Variants in FCHSD1 observed in about 807,000 individuals in gnomAD.
FCHSD1 encodes the protein FCH and double SH3 domains 1.
FCHSD1 carries 109 observed loss-of-function variants against 101.3 expected under a neutral mutation model. The ratio of observed to expected loss-of-function variants is 1.08; its 90% confidence interval spans 0.92 to 1.26. The LOEUF is 1.26. FCHSD1 is among the 50% of genes most tolerant of loss of function. The pLI, the probability that FCHSD1 is intolerant of heterozygous loss-of-function variation, is 0.00. For synonymous variants in FCHSD1, 291 were observed against 356.8 expected (o/e 0.82, Z 2.08); for missense variants, 820 against 895.8 (o/e 0.92, Z 1.08).
intron 18 of FCHSD1, 168 bp from the exon 19 acceptor site, chr5:141,641,925 T>A: frequency 1.4e-6 from 1 of 711,386 alleles, no homozygotes; most frequent in South Asian, 1.7e-5. Flanking sequence ...ATTGGGCAAC[T>A]GCTGTATAAT....
chr5:141,646,463 T>C (rs1289485384), intron 11 of FCHSD1, 140 bp downstream of exon 11: 6 of 1,322,872 alleles, frequency 4.5e-6, no homozygotes, highest in Non-Finnish European at 6.1e-6. Flanking sequence ...TCTTAACTAT[T>C]GTGCCACACT....
At chr5:141,642,737 T>C in intron 18 of FCHSD1, 1 of 545,166 alleles carries the variant, frequency 1.8e-6, no homozygotes, top group Admixed American at 3.7e-5. Flanking sequence ...TTAACTCTCA[T>C]AAGAATTCAA....
At chr5:141,650,544 G>T in intron 2 of FCHSD1, 140 bp from the exon 3 acceptor site, 1 of 904,864 alleles carries the variant, frequency 1.1e-6, no homozygotes, top group Non-Finnish European at 1.8e-6. Context: ...CACCCAGAGG[G>T]AATGGGACTG....
chr5:141,651,148 A>AG, intron 1 of FCHSD1, 31 bp from the exon 2 acceptor site: 1 of 1,556,700 alleles, frequency 6.4e-7, no homozygotes, highest in Non-Finnish European at 8.7e-7. Context: ...TGAAGACCCC[A>AG]GCGCAAGGAC....
intron 1 of FCHSD1, 96 bp downstream of exon 1, chr5:141,651,252 C>T (rs1056708817): frequency 5.8e-6 from 9 of 1,542,864 alleles, no homozygotes; most frequent in Non-Finnish European, 7.9e-6. Context: ...GGTCTGACCC[C>T]TTCCGACTTC....
At position 141,651,135 on chromosome 5, in the gene FCHSD1, G is replaced by T. The variant is rs202070935; in HGVS notation, c.22-18C>A. The T allele has an allele frequency of 6.4e-7, 1 of 1,570,564 alleles. No homozygotes were observed. The highest frequency in any genetic ancestry group is 1.9e-5 in the Admixed American group (1 of 53,454). The stretch of plus-strand genomic sequence containing the variant: ...GGCTTCACCTGTGGGGGCAAAGAGA[G>T]GATGAAGACCCCAGCGCAAGGACCT... On this transcript the variant is annotated intron_variant, in intron 1 of 19. Coordinates refer to ENST00000435817, the MANE Select transcript of FCHSD1 (RefSeq NM_033449.3).
intron 18 of FCHSD1, chr5:141,642,229 C>T: frequency 1.8e-6 from 1 of 551,192 alleles, no homozygotes. Flanking sequence ...TGCCATTATC[C>T]TAAGTGAACT....
At position 141,640,644 on chromosome 5, in the gene FCHSD1, A is replaced by G; in HGVS notation, c.*854T>C. On this transcript the variant is annotated 3_prime_UTR_variant, in exon 20 of 20. Transcript: ENST00000435817. ...CTGGACACAGCTTGAACAGGAAGCA[A>G]CAGTGTTATTCTTCCTCTTCTCCAA... 6.5e-7 allele frequency: 1 copy of G among 1,537,804 alleles called. No homozygotes were observed. Among genetic ancestry groups the G allele is most frequent in the Non-Finnish European group, 8.7e-7 (1 of 1,146,148 alleles).
intron 11 of FCHSD1, 179 bp downstream of exon 11, chr5:141,646,424 C>T (rs2099907660): frequency 9.3e-7 from 1 of 1,079,096 alleles, no homozygotes; most frequent in Non-Finnish European, 1.3e-6. Flanking sequence ...GAATTTGAAC[C>T]TATGTCGGTC....
intron 1 of FCHSD1, 79 bp downstream of exon 1, chr5:141,651,269 C>T: frequency 6.5e-7 from 1 of 1,547,908 alleles, no homozygotes; most frequent in Non-Finnish European, 8.7e-7. Flanking sequence ...CTTCCCGTCT[C>T]CTACCACAAG....
chr5:141,647,004 A>G, intron 10 of FCHSD1, 131 bp downstream of exon 10: 1 of 950,848 alleles, frequency 1.1e-6, no homozygotes, highest in Non-Finnish European at 1.6e-6. Flanking sequence ...GAGGGAGGTG[A>G]GCTGGAGTTC....
chr5:141,644,609 G>C lies in FCHSD1; in HGVS notation c.1606C>G (p.Gln536Glu), dbSNP rs1347169269. 2.5e-6 allele frequency: 4 copies of C among 1,613,772 alleles called. No individual in the cohort carries two copies. Among genetic ancestry groups the C allele is most frequent in the Non-Finnish European group, 3.4e-6 (4 of 1,179,858 alleles). Residue 536 changes from glutamine to glutamate, a missense_variant, in exon 16 of 20, where the codon CAA becomes GAA. Physicochemically the swap from Gln to Glu is conservative, Grantham distance 29. Coordinates refer to ENST00000435817, the MANE Select transcript of FCHSD1 (RefSeq NM_033449.3). ...FPDLSLPESS[Q>E]DSDNPCGAEP... Reference sequence around the variant, plus strand: ...GCCCCGCAGGGATTGTCACTGTCTTGGCTGCTCTCTGGGAGGGAGAGGTCC... The same window carrying C: ...GCCCCGCAGGGATTGTCACTGTCTTCGCTGCTCTCTGGGAGGGAGAGGTCC...
Position 141,647,199 on chromosome 5 carries a change from A to G in FCHSD1, c.860T>C (p.Leu287Pro), listed in dbSNP as rs1159111511. The G allele has an allele frequency of 6.2e-7, 1 of 1,609,350 alleles. No homozygotes were observed. ...VSWEQDLKLF[L>P]QEPGVFSPTP... is the part of the protein sequence containing the mutation. ...GGGGGAAAATACACCAGGCTCCTGAAGAAACAGCTTCAGGTCTTGCTCCCA... is the reference window on the plus strand; with the variant it reads ...GGGGGAAAATACACCAGGCTCCTGAGGAAACAGCTTCAGGTCTTGCTCCCA... Residue 287 changes from leucine (L) to proline (P), a missense_variant, in exon 10 of 20, where the codon CTT becomes CCT. Physicochemically the swap from Leu to Pro is moderately conservative, Grantham distance 98. Transcript: ENST00000435817.
Position 141,649,028 on chromosome 5 carries a change from G to C in FCHSD1, c.513-8C>G. On this transcript the variant is annotated splice_region_variant and splice_polypyrimidine_tract_variant and intron_variant, in intron 6 of 19. Transcript: ENST00000435817. This position sits in a 1 kb window ranked among gnomAD's most constrained non-coding sequence, Gnocchi z 4.1. The stretch of plus-strand genomic sequence containing the variant: ...TGGTCACTTCGGTTTAGCCTGTGCA[G>C]ATGAGAGAAAGGAGTCAGGCCCACC... 6.2e-7 allele frequency: 1 copy of C among 1,614,012 alleles called. No individual in the cohort carries two copies. Among genetic ancestry groups the C allele is most frequent in the Non-Finnish European group, 8.5e-7 (1 of 1,179,892 alleles).
Position 141,649,220 on chromosome 5 carries a change from T to C in FCHSD1, c.464A>G (p.Glu155Gly). The change falls in exon 6 of 20, where the codon GAA (glutamate) becomes GGA (glycine). Residue 155 changes from glutamate to glycine, a missense_variant. Transcript: ENST00000435817. This position sits in a 1 kb window ranked among gnomAD's most constrained non-coding sequence, Gnocchi z 4.1. ...SRSRKLYGQR[E>G]RVWALAQEKA... is the part of the protein sequence containing the mutation. ...CTCCTGTGCCAAGGCCCACACACGT[T>C]CCCGCTGCCCATACAGCTTCCGACT... 2 of 1,613,992 alleles carry C rather than the reference T, an allele frequency of 1.2e-6. No individual in the cohort carries two copies. The highest frequency in any genetic ancestry group is 1.7e-6 in the Non-Finnish European group (2 of 1,179,894).
chr5:141,640,793 G>C lies in FCHSD1; in HGVS notation c.*705C>G. On this transcript the variant is annotated 3_prime_UTR_variant, in exon 20 of 20. Coordinates refer to ENST00000435817, the MANE Select transcript of FCHSD1 (RefSeq NM_033449.3). ...GAGGGACCAGCTCTACTTCCACCTG[G>C]AGTTGCACAGTCTCAGGCTGGGGGC... 1.1e-6 allele frequency: 1 copy of C among 917,150 alleles called. No individual in the cohort carries two copies. 56.8% of individuals were successfully genotyped at this position (917,150 alleles called of 1,614,324 possible).
chr5:141,648,083 G>T lies in FCHSD1; in HGVS notation c.590C>A (p.Ser197Ter). ...TTGCAGCTGCTGGGAGTACTGGGCT[G>T]ACTGGGCGGACAGCTAGGAGGGTAA... The part of the protein sequence containing the change: ...QKLSTKLSAQ[S>*]AQYSQQLQAA... The change falls in exon 8 of 20, where the codon TCA (serine) becomes TAA (stop). Residue 197 changes from serine (S) to a stop codon, truncating the protein, a stop_gained. Transcript: ENST00000435817. LOFTEE classifies it high-confidence loss of function. 6.2e-7 allele frequency: 1 copy of T among 1,612,056 alleles called. No homozygotes were observed. Among genetic ancestry groups the T allele is most frequent in the South Asian group, 1.1e-5 (1 of 90,966 alleles).
At position 141,640,087 on chromosome 5, in the gene FCHSD1, C is replaced by A. The variant is rs572034845; in HGVS notation, c.*1411G>T. On this transcript the variant is annotated 3_prime_UTR_variant, in exon 20 of 20. Coordinates refer to ENST00000435817, the MANE Select transcript of FCHSD1 (RefSeq NM_033449.3). The stretch of plus-strand genomic sequence containing the variant: ...ATGCCTGCCATGGAGAGGCTGCCCC[C>A]TGAGAGGCCACAGCCCCAGGTCCTA... 26 of 1,613,606 alleles carry A rather than the reference C, an allele frequency of 1.6e-5. No individual in the cohort carries two copies. In the East Asian group the frequency reaches 4.9e-4, roughly 30 times the overall value.
At chr5:141,648,910 T>C (rs746986817) in intron 7 of FCHSD1, 47 bp downstream of exon 7, 4 of 1,606,122 alleles carry the variant, frequency 2.5e-6, no homozygotes, top group South Asian at 1.1e-5. Flanking sequence ...ACTAGACTAC[T>C]CTGCCTCCCT....
Sources: gnomAD v4.1 joint callset for allele counts on GRCh38, gnomAD v4.1.1 for gene constraint, Gnocchi (gnomAD v3.1) non-coding constraint, MANE v1.5 for transcripts, NCBI Gene and HGNC (gene_info 2026-07-23, HGNC 2026-07-21) for gene names.